Variants in DPP6 observed in about 807,000 individuals in gnomAD.
The protein encoded by DPP6 is dipeptidyl peptidase like 6.
A neutral mutation model predicts 122.6 loss-of-function variants in DPP6; 69 were observed. The observed-to-expected ratio is 0.56, with a 90% confidence interval of 0.46 to 0.69. The LOEUF (loss-of-function observed/expected upper bound fraction) is 0.69. Among genes scored for constraint, DPP6 ranks in the 30% least tolerant of loss-of-function variants. The pLI is 0.00. For missense variants in DPP6, 928 were observed against 1,116.9 expected (o/e 0.83, Z 2.41); for synonymous variants, 418 against 433.1 (o/e 0.97, Z 0.43).
At chr7:154,879,153 A>G (rs1012942301) in intron 20 of DPP6, among the ~76,000 whole-genome samples, 1 of 152,184 alleles carries the variant, frequency 6.6e-6, no homozygotes, top group Non-Finnish European at 1.5e-5. Flanking sequence ...TCCTTTTAAA[A>G]GACTGGGGGC....
intron 1 of DPP6, among the ~76,000 whole-genome samples, chr7:154,401,198 G>GAAA (rs201846972): frequency 2.9e-5 from 4 of 137,864 alleles, no homozygotes; most frequent in East Asian, 4.2e-4. Flanking sequence ...CTCCATCTCA[G>GAAA]AAAAAACAAA....
At chr7:154,804,059 T>A (rs1303108603) in intron 14 of DPP6, 104 bp downstream of exon 14, 12 of 1,355,758 alleles carry the variant, frequency 8.9e-6, no homozygotes, top group African/African-American at 2.9e-5. Context: ...GGAGGCCTCC[T>A]CTTTCCTCCT....
intron 1 of DPP6, among the ~76,000 whole-genome samples, chr7:154,407,151 C>T (rs1816184865): frequency 6.6e-6 from 1 of 152,200 alleles, no homozygotes; most frequent in African/African-American, 2.4e-5. Flanking sequence ...TCTCATGCCT[C>T]TGATATTTAT....
chr7:154,371,380 AAAAAAAAAAAAAAAAAAAAAAAAAG>A (rs1812648657), intron 1 of DPP6, among the ~76,000 whole-genome samples: 1 of 52,462 alleles, frequency 1.9e-5, no homozygotes, highest in African/African-American at 4.8e-5. Context: ...CTCTGTCTCA[AAAAAAAAAAAAAAAAAAAAAAAAAG>A]AAAGAAAGAA....
chr7:153,896,310 A>G lies in DPP6; in HGVS notation c.51+8576A>G, dbSNP rs186878454. Among the ~76,000 whole-genome samples the G allele has an allele frequency of 2.3e-3, 347 of 152,342 alleles. 2 individuals are homozygous for G. The highest frequency in any genetic ancestry group is 8.0e-3 in the African/African-American group (331 of 41,580). ...ACGTTTCATTACATTAATCTAAAAA[A>G]TGGTACTTCTAGGGTATGTTCTGAC... On this transcript the variant is annotated intron_variant, in intron 1 of 25. Coordinates refer to the DPP6 transcript ENST00000404039.
At position 154,540,650 on chromosome 7, in the gene DPP6, G is replaced by A. The variant is rs1478356544; in HGVS notation, c.552+24G>A. On this transcript the variant is annotated intron_variant, in intron 4 of 25. Transcript: ENST00000377770. ...TTGTAAGTACTCTCTTTAATGACCG[G>A]GATAATTTCAGTTTTTCTTCCTGCA... 5.8e-6 allele frequency: 8 copies of A among 1,390,770 alleles called. No homozygotes were observed. In the South Asian group the frequency reaches 8.2e-5, roughly 14 times the overall value. The allele number at this position is 1,390,770 out of a possible 1,614,324, so 86.2% of individuals were successfully genotyped here. A position where few individuals can be genotyped will look rare whatever the true frequency, so the allele number is the denominator to read the frequency against.
chr7:154,052,634 C>A lies in DPP6; in HGVS notation c.-187C>A, dbSNP rs1215901082. On this transcript the variant is annotated 5_prime_UTR_variant, in exon 1 of 26. Coordinates refer to ENST00000377770, the MANE Select transcript of DPP6 (RefSeq NM_130797.4). This position sits in a 1 kb window ranked among gnomAD's most constrained non-coding sequence, Gnocchi z 4.8. ...AGGCTGAGCCAGGCAGAGTCGCCAG[C>A]GGAGACTCGCGAGTGGCGCGCGGGA... 3 of 1,268,464 alleles carry A rather than the reference C, an allele frequency of 2.4e-6. No individual in the cohort carries two copies. The highest frequency in any genetic ancestry group is 6.8e-5 in the Admixed American group (2 of 29,350). 78.6% of individuals were successfully genotyped at this position (1,268,464 alleles called of 1,614,324 possible).
chr7:154,008,267 C>T (rs1224743930), intron 1 of DPP6, among the ~76,000 whole-genome samples: 2 of 152,182 alleles, frequency 1.3e-5, no homozygotes, highest in Non-Finnish European at 2.9e-5. Context: ...GGGCAGCTCT[C>T]AGCTCTGGCG....
At chr7:154,131,959 C>A (rs1296071397) in intron 1 of DPP6, among the ~76,000 whole-genome samples, 1 of 152,222 alleles carries the variant, frequency 6.6e-6, no homozygotes, top group Non-Finnish European at 1.5e-5. Flanking sequence ...TACACTCTTA[C>A]ATACACACAA....
intron 1 of DPP6, among the ~76,000 whole-genome samples, chr7:154,231,461 C>T (rs765806084): frequency 6.6e-5 from 10 of 152,128 alleles, no homozygotes; most frequent in Non-Finnish European, 1.5e-4. Context: ...ATTAGAACCA[C>T]GATGTAAGTG....
At chr7:154,626,457 A>G (rs1271138401) in intron 5 of DPP6, among the ~76,000 whole-genome samples, 1 of 152,180 alleles carries the variant, frequency 6.6e-6, no homozygotes, top group African/African-American at 2.4e-5. Flanking sequence ...TTAACGACTC[A>G]TTGCAAAAAG....
chr7:154,664,595 AATTT>A (rs1838025929), intron 6 of DPP6, among the ~76,000 whole-genome samples: 1 of 151,522 alleles, frequency 6.6e-6, no homozygotes, highest in African/African-American at 2.4e-5. Flanking sequence ...TTTATTTACT[AATTT>A]ATTTGTTTGT....
At chr7:154,708,635 T>C (rs1391055058) in intron 7 of DPP6, among the ~76,000 whole-genome samples, 1 of 152,172 alleles carries the variant, frequency 6.6e-6, no homozygotes, top group East Asian at 1.9e-4. Flanking sequence ...TGTGCCAAGA[T>C]GCACACAATA....
intron 1 of DPP6, among the ~76,000 whole-genome samples, chr7:154,235,019 G>C (rs1395630905): frequency 6.6e-6 from 1 of 152,210 alleles, no homozygotes; most frequent in Non-Finnish European, 1.5e-5. Context: ...TTTGGTGACA[G>C]CTTTATTGAG....
intron 2 of DPP6, among the ~76,000 whole-genome samples, chr7:154,448,554 T>G (rs1820082756): frequency 6.6e-6 from 1 of 152,158 alleles, no homozygotes; most frequent in Admixed American, 6.5e-5. Flanking sequence ...CCTCTTTCTT[T>G]CTTAAAGAAA....
chr7:154,672,835 A>G (rs1490804431), intron 7 of DPP6, among the ~76,000 whole-genome samples: 1 of 152,202 alleles, frequency 6.6e-6, no homozygotes, highest in Non-Finnish European at 1.5e-5. Flanking sequence ...TTGCAAACAG[A>G]TAGTTTCTAG....
chr7:153,870,700 C>T, the DPP6 span, among the ~76,000 whole-genome samples: 5 of 152,216 alleles, frequency 3.3e-5, no homozygotes, highest in East Asian at 1.9e-4. Flanking sequence ...TGAGGTGCTG[C>T]GTTCCTTTGG....
intron 5 of DPP6, among the ~76,000 whole-genome samples, chr7:154,579,208 G>A (rs903862952): frequency 2.6e-5 from 4 of 152,098 alleles, no homozygotes; most frequent in Admixed American, 2.6e-4. Context: ...AATTAGCCAG[G>A]CATGGTGGTG....
intron 11 of DPP6, 74 bp from the exon 12 acceptor site, chr7:154,795,771 G>C: frequency 6.5e-7 from 1 of 1,529,094 alleles, no homozygotes; most frequent in Middle Eastern, 1.7e-4. Context: ...GTCGGTCACA[G>C]ACACAATACA....
Sources: gnomAD v4.1 joint callset for allele counts (sites outside exome capture counted in the v4.1 genomes callset) on GRCh38, gnomAD v4.1.1 for gene constraint, Gnocchi (gnomAD v3.1) non-coding constraint, MANE v1.5 for transcripts, NCBI Gene and HGNC (gene_info 2026-07-23, HGNC 2026-07-21) for gene names.